The following PCSK4 variants were observed in gnomAD, a reference collection of about 807,000 sequenced individuals.
PCSK4 encodes the protein testicular tissue protein Li 135.
PCSK4 carries 64 observed loss-of-function variants against 80.3 expected under a neutral mutation model. The observed-to-expected ratio is 0.80, with a 90% CI of 0.65 to 0.98. The LOEUF is 0.98. Ranked by LOEUF, PCSK4 falls within the 50% of genes least tolerant of loss-of-function variation. PCSK4 has a pLI of 0.00. For synonymous variants in PCSK4, 561 were observed against 487.6 expected (o/e 1.15, Z -1.98); for missense variants, 1,213 against 1,093.6 (o/e 1.11, Z -1.54).
intron 12 of PCSK4, 33 bp downstream of exon 12, chr19:1,483,251 G>GC (rs1290241429): frequency 6.6e-7 from 1 of 1,514,708 alleles, no homozygotes; most frequent in Non-Finnish European, 8.9e-7. Flanking sequence ...GACAGGGCAT[G>GC]AGGCCGCCCC....
intron 8 of PCSK4, among the ~76,000 whole-genome samples, chr19:1,485,379 C>G (rs2084549055): frequency 6.6e-6 from 1 of 151,406 alleles, no homozygotes; most frequent in Non-Finnish European, 1.5e-5. Flanking sequence ...GCCTGGCCAA[C>G]ATGGTGAAAT....
At chr19:1,485,624 C>T (rs972340211) in intron 8 of PCSK4, among the ~76,000 whole-genome samples, 1 of 152,028 alleles carries the variant, frequency 6.6e-6, no homozygotes, top group Non-Finnish European at 1.5e-5. Flanking sequence ...GTAATCCCAG[C>T]ACTTTGGGAG....
intron 8 of PCSK4, among the ~76,000 whole-genome samples, chr19:1,484,332 C>T (rs1404501694): frequency 1.3e-5 from 2 of 150,678 alleles, no homozygotes; most frequent in Non-Finnish European, 3.0e-5. Flanking sequence ...TACAAAAATA[C>T]AAAAATTAGC....
chr19:1,489,010 C>T (rs1372788825), intron 2 of PCSK4, among the ~76,000 whole-genome samples: 1 of 152,192 alleles, frequency 6.6e-6, no homozygotes, highest in African/African-American at 2.4e-5. Context: ...TCCATCCCAA[C>T]CCCTCAGCTT....
chr19:1,483,767 A>C, exon 11 of PCSK4: 1 of 1,582,440 alleles, frequency 6.3e-7, no homozygotes. Flanking sequence ...GTGATGGCTC[A>C]CTGCGCGGAA....
chr19:1,487,743 G>T (rs1338310689), intron 5 of PCSK4, 42 bp downstream of exon 5: 2 of 1,545,354 alleles, frequency 1.3e-6, no homozygotes, highest in Non-Finnish European at 1.8e-6. Flanking sequence ...CCCCCTGCCG[G>T]GTACTGGGGC....
chr19:1,487,476 A>C (rs1165183816), intron 6 of PCSK4, 127 bp downstream of exon 6: 2 of 1,009,918 alleles, frequency 2.0e-6, no homozygotes, highest in African/African-American at 1.6e-5. Flanking sequence ...CAAGCCCTGG[A>C]GTCTGGGGCC....
chr19:1,489,830 T>G (rs775055990), exon 2 of PCSK4: 6 of 1,610,218 alleles, frequency 3.7e-6, no homozygotes, highest in Middle Eastern at 1.7e-4. Context: ...GTGGCCCCAG[T>G]GCGGGGTCAG....
chr19:1,482,274 C>T, intron 14 of PCSK4, 67 bp from the exon 15 acceptor site: 1 of 1,528,332 alleles, frequency 6.5e-7, no homozygotes, highest in South Asian at 1.2e-5. Context: ...CGCCACCCGC[C>T]CGCCTGGGGC....
intron 13 of PCSK4, 76 bp downstream of exon 13, chr19:1,482,820 C>T: frequency 2.0e-6 from 3 of 1,532,176 alleles, no homozygotes; most frequent in Non-Finnish European, 1.8e-6. Flanking sequence ...GTGCGGTCAC[C>T]AAGGCTAGCT....
chr19:1,481,919 T>C (rs1205253617), exon 15 of PCSK4: 2 of 1,594,172 alleles, frequency 1.3e-6, no homozygotes, highest in Non-Finnish European at 8.5e-7. Flanking sequence ...TGGGCAGCGG[T>C]GGTGGGGACA....
At chr19:1,487,095 C>T (rs1487823335) in intron 7 of PCSK4, 30 bp from the exon 8 acceptor site, 7 of 1,601,360 alleles carry the variant, frequency 4.4e-6, no homozygotes, top group African/African-American at 2.7e-5. Flanking sequence ...GGGGAGGGGG[C>T]GTCGGCCTGG....
At chr19:1,482,593 T>G in intron 13 of PCSK4, 118 bp from the exon 14 acceptor site, 1 of 1,277,638 alleles carries the variant, frequency 7.8e-7, no homozygotes, top group Middle Eastern at 2.3e-4. Context: ...CTGGTTCACA[T>G]CTCTCAGGGA....
rs778235675 is a variant in PCSK4 at position 1,482,491 on chromosome 19, G to C, written c.1697-16C>G. 1.9e-6 allele frequency: 3 copies of C among 1,595,160 alleles called. No homozygotes were observed. Among genetic ancestry groups the C allele is most frequent in the Non-Finnish European group, 2.6e-6 (3 of 1,174,762 alleles). ...TACAACGTCCCTGGACAGGGGTCGC[G>C]GGTGGGCACAGGAGGAAAAGGAGGC... On this transcript the variant is annotated splice_polypyrimidine_tract_variant and intron_variant, in intron 13 of 14. Transcript: ENST00000300954.
chr19:1,490,404 G>A (rs2084889679), exon 1 of PCSK4: 1 of 679,458 alleles, frequency 1.5e-6, no homozygotes, highest in African/African-American at 1.9e-5. Context: ...AAACCGCCGA[G>A]TGGGCCCAGG....
exon 7 of PCSK4, chr19:1,487,160 A>G (rs758625856): frequency 6.2e-7 from 1 of 1,606,254 alleles, no homozygotes; most frequent in East Asian, 2.2e-5. Flanking sequence ...ACCACGCCGG[A>G]AGGCCTCGCG....
intron 11 of PCSK4, 25 bp from the exon 12 acceptor site, chr19:1,483,488 C>A: frequency 6.6e-7 from 1 of 1,524,600 alleles, no homozygotes; most frequent in Non-Finnish European, 8.9e-7. Flanking sequence ...GGGTGAGGAC[C>A]CTCCTGCGGC....
At chr19:1,482,033 C>G (rs942934744) in exon 15 of PCSK4, 1 of 1,567,052 alleles carries the variant, frequency 6.4e-7, no homozygotes. Flanking sequence ...GGTGCAGTCC[C>G]TCGGGGAGCC....
At chr19:1,489,333 C>T (rs550765606) in intron 2 of PCSK4, among the ~76,000 whole-genome samples, 8 of 152,234 alleles carry the variant, frequency 5.3e-5, no homozygotes, top group African/African-American at 1.9e-4. Context: ...AGGGTTTCAC[C>T]GTGTTCGCTA....
Sources: allele counts gnomAD v4.1 joint callset (sites outside exome capture counted in the v4.1 genomes callset), GRCh38; gene constraint gnomAD v4.1.1; transcripts MANE v1.5; gene names NCBI Gene and HGNC (gene_info 2026-07-23, HGNC 2026-07-21).